PCDHGA7: variants seen among roughly 807,000 people sequenced by gnomAD.
PCDHGA7 encodes protocadherin gamma subfamily A, 7.
Under a neutral mutation model 58.3 loss-of-function variants are expected in PCDHGA7, and 44 were observed. The observed-to-expected ratio is 0.75, with a 90% CI of 0.59 to 0.97. The LOEUF is 0.97. Among genes scored for constraint, PCDHGA7 ranks in the 50% least tolerant of loss-of-function variants. The pLI is 0.00. For synonymous variants in PCDHGA7, 516 were observed against 504.2 expected (o/e 1.02, Z -0.31); for missense variants, 1,266 against 1,188.7 (o/e 1.06, Z -0.96).
intron 1 of PCDHGA7, chr5:141,410,849 CTTTTTTTTTTTTTT>C (rs759346998): frequency 7.7e-6 from 1 of 129,786 alleles, no homozygotes; most frequent in African/African-American, 6.0e-5. Context: ...TTGTCTTTGT[CTTTTTTTTTTTTTT>C]TTTTTTTTGA....
intron 1 of PCDHGA7, chr5:141,422,941 G>A (rs777535652): frequency 9.9e-6 from 16 of 1,614,218 alleles, no homozygotes; most frequent in East Asian, 4.5e-5. Context: ...CCCCACAGAC[G>A]GCTCCACTGG....
In PCDHGA7 at chr5:141,485,842, T is replaced by C; in HGVS notation, c.2425-8965T>C. ...TCGATGGAGGGAACCCGCCGAGATC[T>C]GGCACCGCAGAGCTCCGGGTATCCG... On this transcript the variant is annotated intron_variant, in intron 1 of 3. Coordinates refer to ENST00000518325, the MANE Select transcript of PCDHGA7 (RefSeq NM_018920.4). This position sits in a 1 kb window ranked among gnomAD's most constrained non-coding sequence, Gnocchi z 5.7. 1 of 1,614,002 alleles carries C rather than the reference T, an allele frequency of 6.2e-7. No homozygotes were observed. Among genetic ancestry groups the C allele is most frequent in the Non-Finnish European group, 8.5e-7 (1 of 1,179,982 alleles).
intron 1 of PCDHGA7, among the ~76,000 whole-genome samples, chr5:141,406,576 A>T (rs909778588): frequency 8.5e-5 from 13 of 152,222 alleles, no homozygotes; most frequent in Non-Finnish European, 8.8e-5. Context: ...CTAGTAAACC[A>T]ATTTTTTCCC....
chr5:141,401,730 T>C (rs1448734124), intron 1 of PCDHGA7, among the ~76,000 whole-genome samples: 4 of 152,204 alleles, frequency 2.6e-5, no homozygotes, highest in African/African-American at 4.8e-5. Context: ...ACTACTAGTC[T>C]TGTGTACATA....
At chr5:141,418,307 A>C (rs372854408) in intron 1 of PCDHGA7, 24 of 1,613,982 alleles carry the variant, frequency 1.5e-5, no homozygotes, top group Non-Finnish European at 2.0e-5. Context: ...CAGCCTGGGG[A>C]TGGGAACAAT....
intron 1 of PCDHGA7, among the ~76,000 whole-genome samples, chr5:141,447,535 G>T (rs1366016262): frequency 3.3e-5 from 5 of 152,162 alleles, no homozygotes; most frequent in Admixed American, 6.5e-5. Flanking sequence ...AAATTGTTGG[G>T]TTTTAATGTT....
intron 1 of PCDHGA7, chr5:141,408,732 AT>A (rs1172232848): frequency 6.2e-7 from 1 of 1,610,014 alleles, no homozygotes; most frequent in Non-Finnish European, 8.5e-7. Context: ...TCTAATCCTT[AT>A]TTTTCATTAA....
At position 141,478,876 on chromosome 5, in the gene PCDHGA7, C is replaced by A. The variant is rs2099482470; in HGVS notation, c.2425-15931C>A. 30 of 1,265,748 alleles carry A rather than the reference C, an allele frequency of 2.4e-5. No individual in the cohort carries two copies. The South Asian group carries it at 4.7e-4, about 20-fold the overall frequency. 78.4% of individuals were successfully genotyped at this position (1,265,748 alleles called of 1,614,324 possible). On this transcript the variant is annotated intron_variant, in intron 1 of 3. Transcript: ENST00000518325. ...CAAGATCTCAGCGATCAGAGTTTAGCTTGGTATCATTTACATTAGGAATAA... is the reference window on the plus strand; with the variant it reads ...CAAGATCTCAGCGATCAGAGTTTAGATTGGTATCATTTACATTAGGAATAA...
chr5:141,432,766 C>G lies in PCDHGA7; in HGVS notation c.2424+47443C>G. On this transcript the variant is annotated intron_variant, in intron 1 of 3. Transcript: ENST00000518325. This position sits in a 1 kb window ranked among gnomAD's most constrained non-coding sequence, Gnocchi z 6.0. Reference sequence around the variant, plus strand: ...CCGTGGCCGTGGCCGACAGCATCCCCCAAGTCCTGGCGGACCTCGGCAGCC... The same window carrying G: ...CCGTGGCCGTGGCCGACAGCATCCCGCAAGTCCTGGCGGACCTCGGCAGCC... 6.2e-7 allele frequency: 1 copy of G among 1,614,160 alleles called. No individual in the cohort carries two copies. The highest frequency in any genetic ancestry group is 8.5e-7 in the Non-Finnish European group (1 of 1,179,994).
Position 141,383,044 on chromosome 5 carries a change from GC to G in PCDHGA7, c.147del (p.Lys50ArgfsTer28). 2 of 1,613,878 alleles carry G rather than the reference GC, an allele frequency of 1.2e-6. No individual in the cohort carries two copies. Among genetic ancestry groups the G allele is most frequent in the Non-Finnish European group, 8.5e-7 (1 of 1,179,912 alleles). ...CAAAGGGTCCTTTGTGGGAGACATCGCCAAGGACCTGGGGCTGGAGCCCCGG... is the reference window on the plus strand; with the variant it reads ...CAAAGGGTCCTTTGTGGGAGACATCGCAAGGACCTGGGGCTGGAGCCCCGG... Reference protein sequence around the residue: ...TDKGSFVGDIAKDLGLEPREL... With the variant: ...TDKGSFVGDIXKDLGLEPREL... On this transcript the variant is annotated frameshift_variant, in exon 1 of 4. Coordinates refer to ENST00000518325, the MANE Select transcript of PCDHGA7 (RefSeq NM_018920.4). LOFTEE classifies it high-confidence loss of function.
intron 1 of PCDHGA7, among the ~76,000 whole-genome samples, chr5:141,445,248 T>C (rs1264046214): frequency 6.6e-6 from 1 of 152,224 alleles, no homozygotes; most frequent in African/African-American, 2.4e-5. Flanking sequence ...CACTATATTG[T>C]GTGAGAATAT....
At chr5:141,466,325 C>T (rs1252026939) in intron 1 of PCDHGA7, among the ~76,000 whole-genome samples, 3 of 152,108 alleles carry the variant, frequency 2.0e-5, no homozygotes, top group African/African-American at 7.2e-5. Context: ...CACATGCTAC[C>T]ATGCCTGGAT....
intron 1 of PCDHGA7, chr5:141,398,688 T>C: frequency 1.2e-6 from 2 of 1,613,938 alleles, no homozygotes; most frequent in South Asian, 2.2e-5. Flanking sequence ...AGAAACAGGA[T>C]GGTAGTAAAT....
chr5:141,419,398 G>A (rs2096375486), intron 1 of PCDHGA7: 7 of 1,613,572 alleles, frequency 4.3e-6, no homozygotes, highest in Non-Finnish European at 5.1e-6. Flanking sequence ...AGAGCGGGGT[G>A]GTGTTCGCGC....
chr5:141,473,260 G>T (rs2099318007), intron 1 of PCDHGA7, among the ~76,000 whole-genome samples: 1 of 152,148 alleles, frequency 6.6e-6, no homozygotes, highest in South Asian at 2.1e-4. Flanking sequence ...ATAGTCCTTA[G>T]TGTATGCTAT....
intron 1 of PCDHGA7, among the ~76,000 whole-genome samples, chr5:141,469,120 T>C (rs188113354): frequency 6.6e-6 from 1 of 151,574 alleles, no homozygotes; most frequent in East Asian, 1.9e-4. Context: ...CTAAAAAAAT[T>C]TAAAAATTAG....
At position 141,486,548 on chromosome 5, in the gene PCDHGA7, T is replaced by C; in HGVS notation, c.2425-8259T>C. 1 of 1,614,100 alleles carries C rather than the reference T, an allele frequency of 6.2e-7. No individual in the cohort carries two copies. ...TAATCCACCCTCTTTCTTTCAGAGG[T>C]CACATGAGGTGTTTGTTCCTGAGAA... is the stretch of plus-strand genomic sequence containing the variant. On this transcript the variant is annotated intron_variant, in intron 1 of 3. Coordinates refer to ENST00000518325, the MANE Select transcript of PCDHGA7 (RefSeq NM_018920.4). The surrounding 1 kb of genome is among the most constrained non-coding windows in gnomAD (Gnocchi z 5.0).
intron 1 of PCDHGA7, chr5:141,390,350 A>G: frequency 6.4e-7 from 1 of 1,563,816 alleles, no homozygotes; most frequent in South Asian, 1.2e-5. Context: ...AAGAAAATAT[A>G]CATATTTGCA....
At chr5:141,419,265 C>T in intron 1 of PCDHGA7, 1 of 1,614,040 alleles carries the variant, frequency 6.2e-7, no homozygotes, top group Non-Finnish European at 8.5e-7. Flanking sequence ...CAGCCGGGTG[C>T]CTCCATAGCG....
Sources: gnomAD v4.1 joint callset for allele counts (sites outside exome capture counted in the v4.1 genomes callset) on GRCh38, gnomAD v4.1.1 for gene constraint, Gnocchi (gnomAD v3.1) non-coding constraint, MANE v1.5 for transcripts, NCBI Gene and HGNC (gene_info 2026-07-23, HGNC 2026-07-21) for gene names.